The following MAMLD1 variants were observed in gnomAD, a reference collection of about 807,000 sequenced individuals.
MAMLD1 encodes mastermind like domain containing 1, also known as mastermind-like domain-containing protein 1.
In MAMLD1, 14 loss-of-function variants were observed where a neutral mutation model predicts 45.0. The ratio of observed to expected loss-of-function variants is 0.31; its 90% CI spans 0.21 to 0.49. The LOEUF is 0.49. Among genes scored for constraint, MAMLD1 ranks in the 20% least tolerant of loss-of-function variants. The pLI is 0.99. For missense variants in MAMLD1, 543 were observed against 603.6 expected, an observed-to-expected ratio of 0.90 and a Z score of 1.05; for synonymous variants, 254 against 247.8, an observed-to-expected ratio of 1.02 and a Z score of -0.24.
Position 150,457,759 on chromosome X carries a change from A to T in MAMLD1, c.97-5013A>T, listed in dbSNP as rs1424687740. On this transcript the variant is annotated intron_variant, in intron 2 of 7. Coordinates refer to ENST00000370401, the MANE Select transcript of MAMLD1 (RefSeq NM_005491.5). ...TTGTATGATCCCATTTATATGAAGT[A>T]TTCAGAATAAGCAAATTCATAGAGA... is the stretch of plus-strand genomic sequence containing the variant. 3.6e-5 allele frequency among the ~76,000 whole-genome samples: 4 copies of T among 112,177 alleles called. No individual in the cohort carries two copies. The Admixed American group carries it at 3.8e-4, about 11-fold the overall frequency.
At chrX:150,369,159 AT>A (rs782230596) in intron 1 of MAMLD1, among the ~76,000 whole-genome samples, 95 of 103,585 alleles carry the variant, frequency 9.2e-4, no homozygotes, top group East Asian at 6.3e-3. Flanking sequence ...TAAGATTCTG[AT>A]TTTTTTTTTT....
At chrX:150,420,788 T>C (rs2034468946) in intron 1 of MAMLD1, among the ~76,000 whole-genome samples, 2 of 112,475 alleles carry the variant, frequency 1.8e-5, no homozygotes, top group Admixed American at 9.3e-5. Context: ...GGAGGCAGTC[T>C]GCCCGTTCTC....
At chrX:150,456,091 A>G (rs1035632430) in intron 2 of MAMLD1, among the ~76,000 whole-genome samples, 2 of 111,450 alleles carry the variant, frequency 1.8e-5, no homozygotes, top group Non-Finnish European at 3.8e-5. Flanking sequence ...GTGATTTTTT[A>G]TCCTCAGTCT....
intron 1 of MAMLD1, among the ~76,000 whole-genome samples, chrX:150,409,210 A>C (rs1378940133): frequency 8.9e-6 from 1 of 111,765 alleles, no homozygotes; most frequent in African/African-American, 3.3e-5. Flanking sequence ...ATGTGGTTAC[A>C]GTCAGTGTGG....
chrX:150,368,995 T>C (rs2031747499), intron 1 of MAMLD1, among the ~76,000 whole-genome samples: 1 of 112,306 alleles, frequency 8.9e-6, no homozygotes, highest in South Asian at 3.6e-4. Flanking sequence ...TCAGGTAGCA[T>C]GATGCCTCCA....
intron 1 of MAMLD1, among the ~76,000 whole-genome samples, chrX:150,440,979 A>T (rs947488482): frequency 1.7e-4 from 18 of 104,919 alleles, no homozygotes; most frequent in East Asian, 1.1e-3. Flanking sequence ...TTAAATATAA[A>T]ATAATATAAT....
chrX:150,469,881 C>T lies in MAMLD1; in HGVS notation c.308C>T (p.Thr103Ile). Residue 103 changes from threonine (T) to isoleucine (I), a missense_variant, in exon 4 of 8, where the codon ACT (threonine) becomes ATT (isoleucine). Thr to Ile is a moderately conservative substitution (Grantham distance 89). Transcript: ENST00000370401. ...LAMGPGAHPSTACAELQVPPL... is the reference protein window; with the variant it reads ...LAMGPGAHPSIACAELQVPPL... ...ATGGGCCCAGGTGCTCATCCTAGTA[C>T]TGCTTGTGCAGAACTGCAGGTCCCT... The T allele has an allele frequency of 8.3e-7, 1 of 1,211,892 alleles. No homozygotes were observed. The highest frequency in any genetic ancestry group is 1.1e-6 in the Non-Finnish European group (1 of 895,561).
chrX:150,370,099 C>G (rs782421693), intron 1 of MAMLD1, among the ~76,000 whole-genome samples: 1 of 109,036 alleles, frequency 9.2e-6, no homozygotes, highest in South Asian at 4.1e-4. Context: ...AGATAGAATG[C>G]TGAGAGTGTG....
intron 2 of MAMLD1, among the ~76,000 whole-genome samples, chrX:150,447,980 A>C (rs1244889917): frequency 1.8e-5 from 2 of 112,392 alleles, no homozygotes; most frequent in African/African-American, 6.5e-5. Flanking sequence ...AACAAAAAAC[A>C]TGTTTCAAAT....
At chrX:150,403,452 T>A (rs1405138840) in intron 1 of MAMLD1, among the ~76,000 whole-genome samples, 1 of 111,871 alleles carries the variant, frequency 8.9e-6, no homozygotes, top group East Asian at 2.8e-4. Flanking sequence ...TGGCCAATTT[T>A]ATGTTATGTA....
At chrX:150,371,380 G>T (rs782412599) in intron 1 of MAMLD1, among the ~76,000 whole-genome samples, 1 of 111,287 alleles carries the variant, frequency 9.0e-6, no homozygotes, top group Admixed American at 9.6e-5. Context: ...CAGGCCAGCC[G>T]TTGATTTTTT....
At chrX:150,401,786 T>C (rs1256996297) in intron 1 of MAMLD1, among the ~76,000 whole-genome samples, 2 of 111,449 alleles carry the variant, frequency 1.8e-5, no homozygotes, top group Non-Finnish European at 3.8e-5. Flanking sequence ...AACTATCTGA[T>C]CTTTGACAAA....
intron 1 of MAMLD1, among the ~76,000 whole-genome samples, chrX:150,377,578 C>T (rs2032385258): frequency 9.0e-6 from 1 of 111,353 alleles, no homozygotes. Context: ...GAAACTCACC[C>T]ATCAGCTGTG....
intron 5 of MAMLD1, among the ~76,000 whole-genome samples, chrX:150,476,764 G>A (rs1394836350): frequency 8.8e-6 from 1 of 113,098 alleles, no homozygotes; most frequent in African/African-American, 3.2e-5. Context: ...GAGAAGGCTG[G>A]ATTAAGCCCC....
intron 1 of MAMLD1, among the ~76,000 whole-genome samples, chrX:150,371,942 T>C (rs1402530544): frequency 1.8e-5 from 2 of 111,772 alleles, no homozygotes; most frequent in African/African-American, 6.5e-5. Context: ...CAGAGAAGCG[T>C]CTGACTTTCC....
chrX:150,473,617 G>C, intron 4 of MAMLD1, 63 bp from the exon 5 acceptor site: 1 of 1,156,550 alleles, frequency 8.6e-7, no homozygotes, highest in Non-Finnish European at 1.2e-6. Context: ...GGACACGGCA[G>C]GCCACCTGGG....
chrX:150,503,579 C>T (rs1557408679), intron 6 of MAMLD1, 62 bp downstream of exon 6: 6 of 693,468 alleles, frequency 8.7e-6, no homozygotes, highest in African/African-American at 2.1e-5. Flanking sequence ...GTCCCCTGCT[C>T]AGCCTGCCCG....
chrX:150,390,055 G>A (rs191666195), intron 1 of MAMLD1, among the ~76,000 whole-genome samples: 5 of 111,479 alleles, frequency 4.5e-5, no homozygotes, highest in East Asian at 2.8e-4. Context: ...CCATGTTTTC[G>A]TTTGTTTGTC....
chrX:150,379,585 T>C (rs1274081369), intron 1 of MAMLD1, among the ~76,000 whole-genome samples: 1 of 111,777 alleles, frequency 8.9e-6, no homozygotes, highest in Non-Finnish European at 1.9e-5. Flanking sequence ...TGTGAAATAA[T>C]AACATAGTTT....
Sources: allele counts gnomAD v4.1 joint callset (sites outside exome capture counted in the v4.1 genomes callset), GRCh38; gene constraint gnomAD v4.1.1; transcripts MANE v1.5; gene names NCBI Gene and HGNC (gene_info 2026-07-23, HGNC 2026-07-21).